Variants in MTREX observed in about 807,000 individuals in gnomAD.
MTREX encodes exosome RNA helicase MTR4.
MTREX carries 76 observed loss-of-function variants against 135.4 expected under a neutral mutation model. The observed-to-expected ratio is 0.56, with a 90% CI of 0.47 to 0.68. MTREX has a LOEUF of 0.68. MTREX is among the 30% of genes least tolerant of loss of function. The pLI, the probability that MTREX is intolerant of heterozygous loss-of-function variation, is 0.00. For synonymous variants in MTREX, 404 were observed against 401.6 expected (o/e 1.01, Z -0.07); for missense variants, 920 against 1,262.1 (o/e 0.73, Z 4.11).
In MTREX at chr5:55,400,290, G is replaced by A; in HGVS notation, c.2350G>A (p.Gly784Ser). Residue 784 changes from glycine to serine, a missense_variant, in exon 21 of 27, where the codon GGC becomes AGC. Physicochemically the swap from Gly to Ser is moderately conservative, Grantham distance 56. Coordinates refer to ENST00000230640, the MANE Select transcript of MTREX (RefSeq NM_015360.5). ...IPLLDPIDDM[G>S]IQDQGLKKVI... ...CTTATTAGACCCTATTGATGATATG[G>A]GCATTCAAGATCAAGGGCTGAAAAA... 5 of 1,612,464 alleles carry A rather than the reference G, an allele frequency of 3.1e-6. No individual in the cohort carries two copies. Among genetic ancestry groups the A allele is most frequent in the Non-Finnish European group, 4.2e-6 (5 of 1,179,188 alleles).
At chr5:55,394,779 T>A (rs1007118567) in intron 19 of MTREX, among the ~76,000 whole-genome samples, 1 of 152,050 alleles carries the variant, frequency 6.6e-6, no homozygotes, top group African/African-American at 2.4e-5. Flanking sequence ...ACACCTGTAA[T>A]CCCAGCATTT....
At chr5:55,403,248 A>G (rs1251055948) in intron 21 of MTREX, among the ~76,000 whole-genome samples, 1 of 152,032 alleles carries the variant, frequency 6.6e-6, no homozygotes, top group African/African-American at 2.4e-5. Flanking sequence ...TGCAGTCCAG[A>G]CATTTTTTTT....
At chr5:55,421,081 ATGTGGTTT>A (rs1751047744) in intron 25 of MTREX, among the ~76,000 whole-genome samples, 1 of 152,226 alleles carries the variant, frequency 6.6e-6, no homozygotes, top group Non-Finnish European at 1.5e-5. Flanking sequence ...CAGTAGGTTA[ATGTGGTTT>A]TGTTTTGTTT....
intron 19 of MTREX, among the ~76,000 whole-genome samples, chr5:55,395,832 C>T (rs1281098386): frequency 6.6e-6 from 1 of 152,026 alleles, no homozygotes; most frequent in Non-Finnish European, 1.5e-5. Flanking sequence ...TCTTGAGAGA[C>T]ACAGAAAACT....
At chr5:55,416,281 C>T in intron 25 of MTREX, 149 bp downstream of exon 25, 1 of 527,554 alleles carries the variant, frequency 1.9e-6, no homozygotes, top group Non-Finnish European at 3.2e-6. Flanking sequence ...AAAATATTCT[C>T]CACAAATTCT....
intron 7 of MTREX, among the ~76,000 whole-genome samples, chr5:55,342,464 C>T (rs1481775367): frequency 6.6e-6 from 1 of 151,924 alleles, no homozygotes; most frequent in Admixed American, 6.6e-5. Context: ...ATGGTAAAAA[C>T]AAAAAGTGAG....
At chr5:55,415,879 G>A (rs1750958540) in intron 24 of MTREX, 91 bp from the exon 25 acceptor site, 1 of 859,720 alleles carries the variant, frequency 1.2e-6, no homozygotes, top group East Asian at 2.9e-5. Context: ...GGAAGAAAAA[G>A]GGACCTCCTG....
chr5:55,421,479 C>T (rs928187519), intron 25 of MTREX, among the ~76,000 whole-genome samples: 3 of 152,146 alleles, frequency 2.0e-5, no homozygotes, highest in Admixed American at 1.3e-4. Context: ...GAAATTGAGT[C>T]GAAATGTTTA....
chr5:55,372,039 A>C (rs372731773), intron 16 of MTREX, among the ~76,000 whole-genome samples: 1 of 152,084 alleles, frequency 6.6e-6, no homozygotes, highest in Non-Finnish European at 1.5e-5. Flanking sequence ...CATTTTCTTA[A>C]ATTCCTCTGG....
intron 20 of MTREX, among the ~76,000 whole-genome samples, chr5:55,397,908 G>A (rs1163331526): frequency 1.3e-5 from 2 of 152,078 alleles, no homozygotes; most frequent in Non-Finnish European, 2.9e-5. Flanking sequence ...GGAAAATTGA[G>A]ATTTTGTAGT....
chr5:55,344,554 C>A lies in MTREX; in HGVS notation c.939C>A (p.Pro313=). The change falls in exon 9 of 27, where the codon CCC becomes CCA. Residue 313 remains proline, a synonymous_variant. Coordinates refer to ENST00000230640, the MANE Select transcript of MTREX (RefSeq NM_015360.5). The part of the protein sequence containing the change: ...PCHVIYTDYR[P]TPLQHYIFPA... ...ATGTTATTTACACAGATTATCGGCCCACTCCATTGCAACACTACATTTTTC... is the reference window on the plus strand; with the variant it reads ...ATGTTATTTACACAGATTATCGGCCAACTCCATTGCAACACTACATTTTTC... 2.5e-6 allele frequency: 4 copies of A among 1,611,880 alleles called. No individual in the cohort carries two copies. Among genetic ancestry groups the A allele is most frequent in the Non-Finnish European group, 3.4e-6 (4 of 1,178,448 alleles).
rs139696181 is a variant in MTREX, at chr5:55,367,222, C to T, written c.1810+347C>T. Among the ~76,000 whole-genome samples the T allele has an allele frequency of 7.9e-4, 121 of 152,314 alleles. No homozygotes were observed. In the East Asian group the frequency reaches 0.021, roughly 27 times the overall value. On this transcript the variant is annotated intron_variant, in intron 16 of 26. Coordinates refer to ENST00000230640, the MANE Select transcript of MTREX (RefSeq NM_015360.5). ...GCACATGCGGCTGGGCGCAGTGGCT[C>T]ATGCCTGTAATCCTAGCACTTTGGG...
intron 13 of MTREX, among the ~76,000 whole-genome samples, chr5:55,352,792 A>G (rs1749849354): frequency 6.6e-6 from 1 of 152,224 alleles, no homozygotes; most frequent in African/African-American, 2.4e-5. Context: ...GAGATCTTCT[A>G]ATACTGAAGT....
intron 19 of MTREX, among the ~76,000 whole-genome samples, chr5:55,390,760 A>G (rs1003829652): frequency 5.9e-5 from 9 of 152,224 alleles, no homozygotes; most frequent in Admixed American, 2.0e-4. Flanking sequence ...CTATAAAAGG[A>G]CATGGAATAG....
chr5:55,331,438 A>G (rs1263229962), intron 5 of MTREX, among the ~76,000 whole-genome samples: 2 of 152,110 alleles, frequency 1.3e-5, no homozygotes, highest in Non-Finnish European at 1.5e-5. Context: ...TTTCCCCACT[A>G]CTTAGTCAGT....
intron 5 of MTREX, among the ~76,000 whole-genome samples, chr5:55,333,524 A>G (rs1749508125): frequency 1.3e-5 from 2 of 152,070 alleles, no homozygotes; most frequent in Admixed American, 6.6e-5. Context: ...CATTTTTCCT[A>G]CAAGAGGAGA....
chr5:55,376,626 G>A (rs942375156), intron 16 of MTREX, among the ~76,000 whole-genome samples: 8 of 152,340 alleles, frequency 5.3e-5, no homozygotes, highest in South Asian at 2.1e-4. Context: ...TTCTATACCT[G>A]TATAACCTTA....
At chr5:55,391,455 C>A (rs1750564850) in intron 19 of MTREX, among the ~76,000 whole-genome samples, 1 of 151,994 alleles carries the variant, frequency 6.6e-6, no homozygotes, top group Admixed American at 6.6e-5. Context: ...TCAAAAAAAT[C>A]AATCTCTTTG....
At chr5:55,310,911 A>G (rs1051321220) in intron 1 of MTREX, among the ~76,000 whole-genome samples, 29 of 151,766 alleles carry the variant, frequency 1.9e-4, no homozygotes, top group Admixed American at 6.6e-5. Flanking sequence ...CTGAATAGCT[A>G]GAAGTACAGG....
Sources: allele counts gnomAD v4.1 joint callset (sites outside exome capture counted in the v4.1 genomes callset), GRCh38; gene constraint gnomAD v4.1.1; transcripts MANE v1.5; gene names NCBI Gene and HGNC (gene_info 2026-07-23, HGNC 2026-07-21).